SNX8: variants seen among roughly 807,000 people sequenced by gnomAD.
SNX8 encodes the protein sorting nexin-8.
In SNX8, 25 loss-of-function variants were observed where a neutral mutation model predicts 51.6. The observed-to-expected ratio is 0.48, with a 90% CI of 0.35 to 0.68. SNX8 has a LOEUF of 0.68. SNX8 is among the 30% of genes least tolerant of loss of function. SNX8 has a pLI of 0.00. For missense variants in SNX8, 695 were observed against 624.0 expected (o/e 1.11, Z -1.21); for synonymous variants, 324 against 277.0 (o/e 1.17, Z -1.68).
intron 1 of SNX8, among the ~76,000 whole-genome samples, chr7:2,351,226 C>T (rs1237762507): frequency 6.6e-6 from 1 of 152,200 alleles, no homozygotes; most frequent in African/African-American, 2.4e-5. Flanking sequence ...GGTGCGGTGC[C>T]TCAGGTTTCC....
At chr7:2,260,020 A>G (rs1212600590) in intron 7 of SNX8, among the ~76,000 whole-genome samples, 1 of 151,984 alleles carries the variant, frequency 6.6e-6, no homozygotes, top group Non-Finnish European at 1.5e-5. Context: ...GAGAGAGAGA[A>G]AGAAAGAGAG....
chr7:2,269,384 C>T (rs6944459), intron 5 of SNX8, among the ~76,000 whole-genome samples, 175 bp downstream of exon 5: 25,129 of 149,690 alleles, frequency 0.17, 2,234 homozygotes, highest in Middle Eastern at 0.26. Context: ...TGCGGAAGGC[C>T]GCAGGGTCCT....
chr7:2,274,599 G>A (rs1795730880), intron 3 of SNX8, among the ~76,000 whole-genome samples: 7 of 152,238 alleles, frequency 4.6e-5, no homozygotes, highest in Admixed American at 4.6e-4. Flanking sequence ...GTGAAGGTGA[G>A]GCAGCCGTGT....
At chr7:2,270,923 G>A (rs1446028718) in intron 4 of SNX8, among the ~76,000 whole-genome samples, 4 of 152,118 alleles carry the variant, frequency 2.6e-5, no homozygotes, top group South Asian at 4.1e-4. Flanking sequence ...TGGAGCCCCC[G>A]CCCCTCCCCG....
At chr7:2,342,359 G>A (rs1778947242) in intron 1 of SNX8, among the ~76,000 whole-genome samples, 1 of 150,244 alleles carries the variant, frequency 6.7e-6, no homozygotes, top group Non-Finnish European at 1.5e-5. Flanking sequence ...TTTTATTAAG[G>A]ATAGAATTAC....
chr7:2,335,935 C>G (rs549180247), intron 1 of SNX8, among the ~76,000 whole-genome samples: 3 of 151,532 alleles, frequency 2.0e-5, no homozygotes, highest in South Asian at 4.2e-4. Context: ...AACCCCATCT[C>G]TACTAAAATT....
At chr7:2,285,113 G>C in intron 1 of SNX8, among the ~76,000 whole-genome samples, 1 of 151,000 alleles carries the variant, frequency 6.6e-6, no homozygotes, top group Middle Eastern at 3.4e-3. Flanking sequence ...TCGGGAGTCT[G>C]AGGCAGGAGA....
chr7:2,314,399 G>GGGTCCATCGCGCGGCCAGTC lies in SNX8; in HGVS notation c.3_22dup (p.Pro8ArgfsTer90). 8.2e-7 allele frequency: 1 copy of GGGTCCATCGCGCGGCCAGTC among 1,219,618 alleles called. No homozygotes were observed. The allele number at this position is 1,219,618 out of a possible 1,614,324, so 75.5% of individuals were successfully genotyped here. Reference sequence around the variant, plus strand: ...CGCCCCGACTGCAGCCGCGGGCAGCGGGTCCATCGCGCGGCCAGTCATGTG... The same window carrying GGGTCCATCGCGCGGCCAGTC: ...CGCCCCGACTGCAGCCGCGGGCAGCGGGTCCATCGCGCGGCCAGTCGGTCCATCGCGCGGCCAGTCATGTG... On this transcript the variant is annotated frameshift_variant, in exon 1 of 11. Coordinates refer to ENST00000222990, the MANE Select transcript of SNX8 (RefSeq NM_013321.4). LOFTEE classifies it high-confidence loss of function.
chr7:2,266,174 G>T (rs538234713), intron 5 of SNX8, among the ~76,000 whole-genome samples: 72 of 152,018 alleles, frequency 4.7e-4, no homozygotes, highest in Admixed American at 1.4e-3. Flanking sequence ...TTTTTTTCTG[G>T]TTTTTTTGTT....
intron 5 of SNX8, among the ~76,000 whole-genome samples, chr7:2,268,307 A>G (rs868237968): frequency 3.7e-5 from 5 of 136,050 alleles, no homozygotes; most frequent in Middle Eastern, 5.4e-3. Context: ...CTGCCTGGCA[A>G]CCACCCCGTC....
At chr7:2,268,530 T>G (rs1448157025) in intron 5 of SNX8, among the ~76,000 whole-genome samples, 4 of 117,010 alleles carry the variant, frequency 3.4e-5, no homozygotes, top group Admixed American at 8.4e-5. Context: ...CGGCCAGCCG[T>G]GCCATCCGGG....
chr7:2,334,945 G>A (rs1193755594), intron 1 of SNX8, among the ~76,000 whole-genome samples: 2 of 151,352 alleles, frequency 1.3e-5, no homozygotes, highest in African/African-American at 4.9e-5. Flanking sequence ...ATAGCCAGAG[G>A]TACAATTTGG....
intron 10 of SNX8, among the ~76,000 whole-genome samples, chr7:2,256,091 A>C (rs999579717): frequency 6.6e-6 from 1 of 152,146 alleles, no homozygotes; most frequent in Non-Finnish European, 1.5e-5. Context: ...ACACCCGGCC[A>C]CTCACATGTC....
intron 5 of SNX8, among the ~76,000 whole-genome samples, chr7:2,264,749 A>T (rs1388630656): frequency 6.6e-6 from 1 of 152,142 alleles, no homozygotes; most frequent in Non-Finnish European, 1.5e-5. Flanking sequence ...AAAACACTCA[A>T]ATAAGGCCAG....
upstream of SNX8, among the ~76,000 whole-genome samples, chr7:2,317,617 G>A (rs1413033093): frequency 2.6e-5 from 4 of 151,934 alleles, no homozygotes; most frequent in African/African-American, 9.7e-5. Flanking sequence ...AATGTCCGGG[G>A]AGTTGATTAC....
At chr7:2,346,468 C>T (rs1163124166) in intron 1 of SNX8, among the ~76,000 whole-genome samples, 1 of 150,176 alleles carries the variant, frequency 6.7e-6, no homozygotes, top group African/African-American at 2.4e-5. Context: ...GGTGAGGCAG[C>T]CAGGCACGGT....
chr7:2,277,564 G>A (rs530995799), intron 2 of SNX8, among the ~76,000 whole-genome samples: 4 of 152,156 alleles, frequency 2.6e-5, no homozygotes, highest in African/African-American at 7.2e-5. Context: ...ACTTTGGGAG[G>A]CCGAGGCGGG....
intron 1 of SNX8, among the ~76,000 whole-genome samples, chr7:2,336,245 T>C (rs1778826997): frequency 6.7e-6 from 1 of 150,098 alleles, no homozygotes; most frequent in Admixed American, 6.7e-5. Context: ...CTACTAAAAA[T>C]ACAAAATTAA....
At chr7:2,269,800 C>G (rs1795599852) in intron 4 of SNX8, among the ~76,000 whole-genome samples, 161 bp from the exon 5 acceptor site, 1 of 152,178 alleles carries the variant, frequency 6.6e-6, no homozygotes, top group Non-Finnish European at 1.5e-5. Flanking sequence ...TTGACTCTCC[C>G]TTAGATGTTT....
Sources: gnomAD v4.1 joint callset for allele counts (sites outside exome capture counted in the v4.1 genomes callset) on GRCh38, gnomAD v4.1.1 for gene constraint, MANE v1.5 for transcripts, NCBI Gene and HGNC (gene_info 2026-07-23, HGNC 2026-07-21) for gene names.